The following BRIP1 variants were observed in gnomAD, a reference collection of about 807,000 sequenced individuals.
BRIP1 encodes the protein Fanconi anemia group J protein.
A neutral mutation model predicts 119.7 loss-of-function variants in BRIP1; 88 were observed. The observed-to-expected ratio is 0.74, with a 90% confidence interval of 0.62 to 0.88. The LOEUF is 0.88. Among genes scored for constraint, BRIP1 ranks in the 40% least tolerant of loss-of-function variants. The probability of loss-of-function intolerance (pLI) is 0.00; values close to 1 mark genes in which losing one functional copy is unlikely to be tolerated. For synonymous variants in BRIP1, 443 were observed against 496.5 expected, an observed-to-expected ratio of 0.89 and a Z score of 1.43; for missense variants, 1,259 against 1,455.4, an observed-to-expected ratio of 0.87 and a Z score of 2.20.
chr17:61,714,128 T>C (rs1443295370), intron 17 of BRIP1, among the ~76,000 whole-genome samples: 2 of 152,080 alleles, frequency 1.3e-5, no homozygotes, highest in Non-Finnish European at 2.9e-5. Context: ...CTGGGCAACA[T>C]AGCCATACCT....
At chr17:61,787,437 A>G (rs1455148114) in intron 10 of BRIP1, among the ~76,000 whole-genome samples, 1 of 137,898 alleles carries the variant, frequency 7.3e-6, no homozygotes, top group African/African-American at 2.7e-5. Flanking sequence ...TAATATATAT[A>G]CTATATATTA....
chr17:61,770,634 A>C lies in BRIP1; in HGVS notation c.2097+5767T>G, dbSNP rs2077434707. ...GACACAAAGAAGGTAGGATTAAAAA[A>C]ACAGCTACATAGGATTAAAGCTTCT... On this transcript the variant is annotated intron_variant, in intron 14 of 19. Transcript: ENST00000259008. This position sits in a 1 kb window ranked among gnomAD's most constrained non-coding sequence, Gnocchi z 4.7. Among the ~76,000 whole-genome samples, 1 of 152,232 alleles carries C rather than the reference A, an allele frequency of 6.6e-6. No individual in the cohort carries two copies. The highest frequency in any genetic ancestry group is 2.4e-5 in the African/African-American group (1 of 41,466).
Position 61,682,404 on chromosome 17 carries a change from A to C in BRIP1, c.*892T>G, listed in dbSNP as rs1164203252. On this transcript the variant is annotated 3_prime_UTR_variant, in exon 20 of 20. Transcript: ENST00000259008. The surrounding 1 kb of genome is among the most constrained non-coding windows in gnomAD (Gnocchi z 4.9). ...GTGAAGCTAAATAATTAGAATAGAA[A>C]ATTTGGAATACTTCATTTGGCATTT... 4.9e-6 allele frequency: 1 copy of C among 205,422 alleles called. No individual in the cohort carries two copies. Among genetic ancestry groups the C allele is most frequent in the Non-Finnish European group, 9.9e-6 (1 of 100,522 alleles). The allele number at this position is 205,422 out of a possible 1,614,324, so 12.7% of individuals were successfully genotyped here. A position where few individuals can be genotyped will look rare whatever the true frequency, so the allele number is the denominator to read the frequency against.
chr17:61,693,983 A>G lies in BRIP1; in HGVS notation c.2493-471T>C, dbSNP rs1234525280. Among the ~76,000 whole-genome samples, 10 of 152,072 alleles carry G rather than the reference A, an allele frequency of 6.6e-5. No homozygotes were observed. The highest frequency in any genetic ancestry group is 1.3e-4 in the Admixed American group (2 of 15,252). On this transcript the variant is annotated intron_variant, in intron 17 of 19. Coordinates refer to ENST00000259008, the MANE Select transcript of BRIP1 (RefSeq NM_032043.3). This position sits in a 1 kb window ranked among gnomAD's most constrained non-coding sequence, Gnocchi z 4.2. ...TTAATATGGTAGATTACACTGGTTCATTTTCAAACACTGAATCATCCTTGC... is the reference window on the plus strand; with the variant it reads ...TTAATATGGTAGATTACACTGGTTCGTTTTCAAACACTGAATCATCCTTGC...
rs2144099491 is a variant in BRIP1, at chr17:61,684,724, T to C, written c.2906-584A>G. On this transcript the variant is annotated intron_variant, in intron 19 of 19. Transcript: ENST00000259008. This position sits in a 1 kb window ranked among gnomAD's most constrained non-coding sequence, Gnocchi z 4.5. Reference sequence around the variant, plus strand: ...AATTGTATTACTATTTTGTAGTACTTATATACTACAAAATACATGTTTAAA... The same window carrying C: ...AATTGTATTACTATTTTGTAGTACTCATATACTACAAAATACATGTTTAAA... 6.6e-6 allele frequency: 1 copy of C among 152,276 alleles called. No individual in the cohort carries two copies. Among genetic ancestry groups the C allele is most frequent in the African/African-American group, 2.4e-5 (1 of 41,544 alleles). 9.4% of individuals were successfully genotyped at this position (152,276 alleles called of 1,614,324 possible).
At position 61,847,178 on chromosome 17, in the gene BRIP1, C is replaced by A. The variant is rs201047375; in HGVS notation, c.550G>T (p.Asp184Tyr). 164 of 1,613,478 alleles carry A rather than the reference C, an allele frequency of 1.0e-4. No individual in the cohort carries two copies. Among genetic ancestry groups the A allele is most frequent in the Middle Eastern group, 1.6e-4 (1 of 6,078 alleles). ...GTCTTTCCTGAATCAACTTTTGCAT[C>A]CAAATTGTGTACTTCTGTTCCAAAG... ...HCFGTEVHNL[D>Y]AKVDSGKTVK... Residue 184 changes from aspartate (D) to tyrosine (Y), a missense_variant, in exon 6 of 20, where the codon GAT becomes TAT. Physicochemically the swap from Asp to Tyr is radical, Grantham distance 160 (BLOSUM62 -3). This residue lies in a region of BRIP1 where 501 missense variants were observed against 544.0 expected (regional missense o/e 0.92). Coordinates refer to ENST00000259008, the MANE Select transcript of BRIP1 (RefSeq NM_032043.3).
In BRIP1 at chr17:61,778,657, C is replaced by T. The variant is rs1054739687; in HGVS notation, c.1935+1604G>A. 6.6e-6 allele frequency among the ~76,000 whole-genome samples: 1 copy of T among 152,102 alleles called. No homozygotes were observed. The highest frequency in any genetic ancestry group is 1.5e-5 in the Non-Finnish European group (1 of 68,024). ...CTGTAATAACATTCTTATGAGAAAA[C>T]GTATGCTGAATTTACCAACTTCCCA... is the stretch of plus-strand genomic sequence containing the variant. On this transcript the variant is annotated intron_variant, in intron 13 of 19. Coordinates refer to ENST00000259008, the MANE Select transcript of BRIP1 (RefSeq NM_032043.3). The surrounding 1 kb of genome is among the most constrained non-coding windows in gnomAD (Gnocchi z 4.4).
intron 17 of BRIP1, among the ~76,000 whole-genome samples, chr17:61,696,712 G>A (rs1380558644): frequency 3.3e-5 from 5 of 150,656 alleles, no homozygotes; most frequent in Admixed American, 1.3e-4. Context: ...AAGGCCAGGC[G>A]TGGTGGCTCA....
chr17:61,821,643 C>T (rs1456445087), intron 6 of BRIP1, among the ~76,000 whole-genome samples: 3 of 152,146 alleles, frequency 2.0e-5, no homozygotes, highest in South Asian at 2.1e-4. Flanking sequence ...AATCCTCCTG[C>T]CTCAGCTTCC....
chr17:61,827,693 C>T lies in BRIP1; in HGVS notation c.628-18936G>A, dbSNP rs1223686695. 6.6e-6 allele frequency among the ~76,000 whole-genome samples: 1 copy of T among 152,194 alleles called. No homozygotes were observed. The highest frequency in any genetic ancestry group is 1.9e-4 in the East Asian group (1 of 5,196). ...GCAGTCAGCTGAGATAGTGCCACTG[C>T]ACTCCGGCCTGGGCGACAGAGTGAA... On this transcript the variant is annotated intron_variant, in intron 6 of 19. Coordinates refer to ENST00000259008, the MANE Select transcript of BRIP1 (RefSeq NM_032043.3). The surrounding 1 kb of genome is among the most constrained non-coding windows in gnomAD (Gnocchi z 5.8).
Position 61,713,720 on chromosome 17 carries a change from C to CT in BRIP1, c.2492+2230_2492+2231insA, listed in dbSNP as rs1403363721. ...TAGTTTTAGTAGAGATGGGGTTTCA[C>CT]CACGTTGGCCAGGTTGCTATCGAAC... On this transcript the variant is annotated intron_variant, in intron 17 of 19. Transcript: ENST00000259008. The surrounding 1 kb of genome is among the most constrained non-coding windows in gnomAD (Gnocchi z 4.9). Among the ~76,000 whole-genome samples the CT allele has an allele frequency of 6.6e-6, 1 of 151,964 alleles. No individual in the cohort carries two copies. Among genetic ancestry groups the CT allele is most frequent in the Non-Finnish European group, 1.5e-5 (1 of 68,000 alleles).
intron 3 of BRIP1, among the ~76,000 whole-genome samples, chr17:61,858,151 T>C (rs1486225229): frequency 1.3e-5 from 2 of 152,216 alleles, no homozygotes; most frequent in African/African-American, 2.4e-5. Flanking sequence ...CTACATTGTA[T>C]ACAAATGTAC....
At chr17:61,839,692 T>C (rs1166904588) in intron 6 of BRIP1, among the ~76,000 whole-genome samples, 1 of 152,194 alleles carries the variant, frequency 6.6e-6, no homozygotes, top group Non-Finnish European at 1.5e-5. Context: ...TTCAGACTTA[T>C]GAGAAATTGT....
rs1258008597 is a variant in BRIP1, at chr17:61,762,113, A to G, written c.2097+14288T>C. The stretch of plus-strand genomic sequence containing the variant: ...AGAAAGAAACCCATGTATGTGCTCA[A>G]CTGATTTTCAACAAAGGTGCCAAGT... On this transcript the variant is annotated intron_variant, in intron 14 of 19. Coordinates refer to ENST00000259008, the MANE Select transcript of BRIP1 (RefSeq NM_032043.3). The surrounding 1 kb of genome is among the most constrained non-coding windows in gnomAD (Gnocchi z 4.3). Among the ~76,000 whole-genome samples the G allele has an allele frequency of 1.3e-5, 2 of 152,102 alleles. No homozygotes were observed. The highest frequency in any genetic ancestry group is 2.9e-5 in the Non-Finnish European group (2 of 67,996).
chr17:61,773,678 T>C (rs986412531), intron 14 of BRIP1, among the ~76,000 whole-genome samples: 4 of 152,066 alleles, frequency 2.6e-5, no homozygotes, highest in African/African-American at 4.8e-5. Context: ...ATTTTTGCGA[T>C]CTACCCATCT....
At position 61,810,752 on chromosome 17, in the gene BRIP1, T is replaced by C. The variant is rs117878866; in HGVS notation, c.628-1995A>G. ...TTGGTCAAAAAAATTCAAACAATAA[T>C]ACAGAAATATTTTTTAAAAATCAAC... On this transcript the variant is annotated intron_variant, in intron 6 of 19. Transcript: ENST00000259008. This position sits in a 1 kb window ranked among gnomAD's most constrained non-coding sequence, Gnocchi z 4.7. 6.6e-6 allele frequency among the ~76,000 whole-genome samples: 1 copy of C among 152,286 alleles called. No individual in the cohort carries two copies. The highest frequency in any genetic ancestry group is 1.5e-5 in the Non-Finnish European group (1 of 67,998).
chr17:61,692,244 T>C (rs1322237343), intron 18 of BRIP1, among the ~76,000 whole-genome samples: 1 of 152,252 alleles, frequency 6.6e-6, no homozygotes, highest in Non-Finnish European at 1.5e-5. Flanking sequence ...AGTCTTGGTA[T>C]TGGCAATGAT....
At position 61,756,858 on chromosome 17, in the gene BRIP1, A is replaced by G. The variant is rs1010745649; in HGVS notation, c.2098-12267T>C. Among the ~76,000 whole-genome samples, 2 of 152,186 alleles carry G rather than the reference A, an allele frequency of 1.3e-5. No homozygotes were observed. Among genetic ancestry groups the G allele is most frequent in the Admixed American group, 1.3e-4 (2 of 15,280 alleles). On this transcript the variant is annotated intron_variant, in intron 14 of 19. Coordinates refer to ENST00000259008, the MANE Select transcript of BRIP1 (RefSeq NM_032043.3). The surrounding 1 kb of genome is among the most constrained non-coding windows in gnomAD (Gnocchi z 4.3). ...AGTCCTCTGGAAAATGTTTTTTGGC[A>G]TGTGTTTAACTTTATAATATTGCCA...
chr17:61,784,107 C>T (rs571861698), intron 11 of BRIP1, among the ~76,000 whole-genome samples, 163 bp downstream of exon 11: 128 of 152,160 alleles, frequency 8.4e-4, no homozygotes, highest in Non-Finnish European at 1.2e-3. Context: ...AATTTCAATT[C>T]CTCTAAGTCT....
Sources: allele counts gnomAD v4.1 joint callset (sites outside exome capture counted in the v4.1 genomes callset), GRCh38; gene constraint gnomAD v4.1.1; regional missense constraint gnomAD v4.1.1; non-coding constraint Gnocchi (gnomAD v3.1); transcripts MANE v1.5; gene names NCBI Gene and HGNC (gene_info 2026-07-23, HGNC 2026-07-21).